SLC16A10: variants seen among roughly 807,000 people sequenced by gnomAD.
The protein encoded by SLC16A10 is solute carrier family 16 member 10.
A neutral mutation model predicts 40.0 loss-of-function variants in SLC16A10; 27 were observed. That is an observed-to-expected ratio of 0.67 (90% CI 0.50 to 0.93). The LOEUF (loss-of-function observed/expected upper bound fraction) is 0.93, where lower values mean the gene tolerates loss of function less well. SLC16A10 is among the 40% of genes least tolerant of loss of function. The pLI is 0.00. For synonymous variants in SLC16A10, 213 were observed against 249.8 expected, an observed-to-expected ratio of 0.85 and a Z score of 1.39; for missense variants, 529 against 658.2, an observed-to-expected ratio of 0.80 and a Z score of 2.15.
In SLC16A10 at chr6:111,177,500, A is replaced by G; in HGVS notation, c.777A>G (p.Lys259=). The change falls in exon 3 of 6, where the codon AAA becomes AAG. Residue 259 remains lysine (K), a synonymous_variant. Coordinates refer to ENST00000368851, the MANE Select transcript of SLC16A10 (RefSeq NM_018593.5). ...ACCGACCTCTTGCTACCAGTACCAA[A>G]GATAAAGAGAGTGGAGGTAGCGGAT... ...FTYRPLATST[K]DKESGGSGSS... is the part of the protein sequence containing the mutation. The G allele has an allele frequency of 6.2e-7, 1 of 1,614,090 alleles. No individual in the cohort carries two copies. Among genetic ancestry groups the G allele is most frequent in the Non-Finnish European group, 8.5e-7 (1 of 1,180,014 alleles).
intron 3 of SLC16A10, among the ~76,000 whole-genome samples, chr6:111,183,141 C>T (rs1437515500): frequency 6.6e-6 from 1 of 152,206 alleles, no homozygotes; most frequent in Non-Finnish European, 1.5e-5. Context: ...CCTTCACAAT[C>T]TGGCCCCCAC....
chr6:111,225,251 C>G lies in SLC16A10; in HGVS notation c.*3016C>G, dbSNP rs1036367318. 1 of 152,152 alleles carries G rather than the reference C, an allele frequency of 6.6e-6. No individual in the cohort carries two copies. The highest frequency in any genetic ancestry group is 2.4e-5 in the African/African-American group (1 of 41,424). The allele number at this position is 152,152 out of a possible 1,614,324, so 9.4% of individuals were successfully genotyped here. ...AATTTCCACTGAAAATTGCATAGTTCTTGTATTAAGATTCAAATTCTGGCT... is the reference window on the plus strand; with the variant it reads ...AATTTCCACTGAAAATTGCATAGTTGTTGTATTAAGATTCAAATTCTGGCT... On this transcript the variant is annotated 3_prime_UTR_variant, in exon 6 of 6. Transcript: ENST00000368851.
intron 1 of SLC16A10, among the ~76,000 whole-genome samples, chr6:111,088,631 C>T (rs898361846): frequency 4.6e-5 from 7 of 152,148 alleles, no homozygotes; most frequent in African/African-American, 1.4e-4. Context: ...GCAAGAGTCA[C>T]GGTTCCGTGC....
At chr6:111,184,547 T>C (rs901269688) in intron 3 of SLC16A10, among the ~76,000 whole-genome samples, 6 of 151,878 alleles carry the variant, frequency 4.0e-5, no homozygotes, top group African/African-American at 1.5e-4. Flanking sequence ...AGCGGCATGC[T>C]CTCGGCTCAC....
intron 1 of SLC16A10, among the ~76,000 whole-genome samples, chr6:111,105,955 C>A (rs1481020116): frequency 1.3e-5 from 2 of 152,280 alleles, no homozygotes; most frequent in Middle Eastern, 6.8e-3. Context: ...CTTTACCCTT[C>A]CAGTAATTGT....
intron 4 of SLC16A10, among the ~76,000 whole-genome samples, chr6:111,208,120 C>A (rs1262512231): frequency 6.6e-6 from 1 of 151,994 alleles, no homozygotes; most frequent in Non-Finnish European, 1.5e-5. Context: ...AGGTGCGTGC[C>A]ACCATGCCTG....
chr6:111,103,121 G>A (rs2114444739), intron 1 of SLC16A10, among the ~76,000 whole-genome samples: 1 of 152,118 alleles, frequency 6.6e-6, no homozygotes, highest in Middle Eastern at 3.4e-3. Flanking sequence ...GCCCAGGCTG[G>A]TCTCAAACTC....
intron 1 of SLC16A10, among the ~76,000 whole-genome samples, chr6:111,121,311 C>A (rs771855974): frequency 2.0e-5 from 3 of 152,182 alleles, no homozygotes; most frequent in Non-Finnish European, 2.9e-5. Flanking sequence ...CCGGTAATCC[C>A]GGCACTTTGG....
At chr6:111,116,290 T>C (rs1157152164) in intron 1 of SLC16A10, among the ~76,000 whole-genome samples, 2 of 152,124 alleles carry the variant, frequency 1.3e-5, no homozygotes, top group Admixed American at 1.3e-4. Context: ...CAATCTCGGC[T>C]CACTGAAACC....
chr6:111,117,400 C>T (rs1422115342), intron 1 of SLC16A10, among the ~76,000 whole-genome samples: 1 of 149,552 alleles, frequency 6.7e-6, no homozygotes, highest in African/African-American at 2.5e-5. Context: ...AGCCAATGTG[C>T]ACGTTTATTC....
chr6:111,109,691 A>G (rs752004057), intron 1 of SLC16A10, among the ~76,000 whole-genome samples: 2 of 151,920 alleles, frequency 1.3e-5, no homozygotes, highest in Admixed American at 6.6e-5. Flanking sequence ...GCCTCAAGCA[A>G]TCCTTCTGCC....
rs1771074671 is a variant in SLC16A10, at chr6:111,096,368, C to A, written c.343+8273C>A. On this transcript the variant is annotated intron_variant, in intron 1 of 5. Transcript: ENST00000368851. ...AAACCCTAAACATAACATGAACAGT[C>A]AGCTCACCACAGTTCTGAGCACCTG... 2.0e-5 allele frequency among the ~76,000 whole-genome samples: 3 copies of A among 152,310 alleles called. No individual in the cohort carries two copies. In the South Asian group the frequency reaches 6.2e-4, roughly 32 times the overall value.
intron 3 of SLC16A10, among the ~76,000 whole-genome samples, chr6:111,205,569 A>G (rs762730450): frequency 3.3e-5 from 5 of 152,352 alleles, no homozygotes; most frequent in African/African-American, 4.8e-5. Flanking sequence ...TTACACAGAC[A>G]TTTTATTTAA....
intron 1 of SLC16A10, among the ~76,000 whole-genome samples, chr6:111,156,988 G>A (rs1194377277): frequency 6.6e-6 from 1 of 152,044 alleles, no homozygotes; most frequent in East Asian, 1.9e-4. Flanking sequence ...GTGAAATCTC[G>A]GCTCACTGCA....
chr6:111,153,468 A>T (rs1150080), intron 1 of SLC16A10, among the ~76,000 whole-genome samples: 1 of 152,074 alleles, frequency 6.6e-6, no homozygotes, highest in African/African-American at 2.4e-5. Context: ...CTGGGAGGTG[A>T]AGGTTGCAGT....
In SLC16A10 at chr6:111,206,646, A is replaced by T. The variant is rs767684506; in HGVS notation, c.997A>T (p.Met333Leu). The T allele has an allele frequency of 6.2e-7, 1 of 1,614,160 alleles. No homozygotes were observed. Among genetic ancestry groups the T allele is most frequent in the East Asian group, 2.2e-5 (1 of 44,860 alleles). The change falls in exon 4 of 6, where the codon ATG becomes TTG. Residue 333 changes from methionine (M) to leucine (L), a missense_variant. Coordinates refer to ENST00000368851, the MANE Select transcript of SLC16A10 (RefSeq NM_018593.5). ...QDEKNKEVVL[M>L]CIGVTSGVGR... is the part of the protein sequence containing the mutation. Reference sequence around the variant, plus strand: ...TGAAAAAAATAAAGAGGTTGTTCTCATGTGCATTGGCGTCACTTCAGGAGT... The same window carrying T: ...TGAAAAAAATAAAGAGGTTGTTCTCTTGTGCATTGGCGTCACTTCAGGAGT...
Position 111,177,446 on chromosome 6 carries a change from G to C in SLC16A10, c.723G>C (p.Met241Ile). 1 of 1,614,088 alleles carries C rather than the reference G, an allele frequency of 6.2e-7. No individual in the cohort carries two copies. The highest frequency in any genetic ancestry group is 8.5e-7 in the Non-Finnish European group (1 of 1,180,014). ...FYTLRVLCIF[M>I]FVLFLAGFTY... ...CATTGAGGGTGCTCTGCATCTTCATGTTTGTTCTCTTTCTGGCTGGCTTTA... is the reference window on the plus strand; with the variant it reads ...CATTGAGGGTGCTCTGCATCTTCATCTTTGTTCTCTTTCTGGCTGGCTTTA... The change falls in exon 3 of 6, where the codon ATG (methionine) becomes ATC (isoleucine). Residue 241 changes from methionine to isoleucine, a missense_variant. By Grantham distance (10) the Met-to-Ile change is conservative. Transcript: ENST00000368851.
chr6:111,222,080 G>A lies in SLC16A10; in HGVS notation c.1393G>A (p.Val465Met). 6.2e-7 allele frequency: 1 copy of A among 1,610,660 alleles called. No individual in the cohort carries two copies. The highest frequency in any genetic ancestry group is 8.5e-7 in the Non-Finnish European group (1 of 1,179,152). Residue 465 changes from valine to methionine, a missense_variant, in exon 6 of 6, where the codon GTG becomes ATG. Physicochemically the swap from Val to Met is conservative, Grantham distance 21. Transcript: ENST00000368851. ...AGVPPLIGGA[V>M]LCFIPWIHSK... ...AGTCCCTCCCCTTATTGGAGGTGCT[G>A]TGCTTTGTTTTATCCCGTGGATCCA...
At chr6:111,108,754 G>A (rs1367493326) in intron 1 of SLC16A10, among the ~76,000 whole-genome samples, 1 of 152,176 alleles carries the variant, frequency 6.6e-6, no homozygotes, top group African/African-American at 2.4e-5. Flanking sequence ...AGATTGCTAT[G>A]CAGGTGGAAT....
Sources: gnomAD v4.1 joint callset for allele counts (sites outside exome capture counted in the v4.1 genomes callset) on GRCh38, gnomAD v4.1.1 for gene constraint, MANE v1.5 for transcripts, NCBI Gene and HGNC (gene_info 2026-07-23, HGNC 2026-07-21) for gene names.